Variants in PLS3 observed in about 807,000 individuals in gnomAD.
The protein encoded by PLS3 is plastin 3.
In PLS3, 11 loss-of-function variants were observed where a neutral mutation model predicts 46.5. The ratio of observed to expected loss-of-function variants is 0.24; its 90% confidence interval spans 0.15 to 0.39. The LOEUF (loss-of-function observed/expected upper bound fraction) is 0.39. PLS3 is among the 10% of genes least tolerant of loss of function. The probability of loss-of-function intolerance (pLI) is 1.00; values close to 1 mark genes in which losing one functional copy is unlikely to be tolerated. For synonymous variants in PLS3, 167 were observed against 162.2 expected (o/e 1.03, Z -0.22); for missense variants, 308 against 461.8 (o/e 0.67, Z 3.05).
chrX:115,602,139 C>T (rs1185698434), intron 1 of PLS3, among the ~76,000 whole-genome samples: 1 of 111,557 alleles, frequency 9.0e-6, no homozygotes, highest in Non-Finnish European at 1.9e-5. Flanking sequence ...TGACGCCTAC[C>T]ATTTAGTATA....
At chrX:115,640,291 A>C in intron 8 of PLS3, 117 bp from the exon 9 acceptor site, 1 of 646,922 alleles carries the variant, frequency 1.5e-6, no homozygotes, top group Non-Finnish European at 2.5e-6. Context: ...TAAAAGGCAG[A>C]GATTTGTGCC....
At chrX:115,611,911 G>A (rs1349651405) in intron 2 of PLS3, among the ~76,000 whole-genome samples, 2 of 111,386 alleles carry the variant, frequency 1.8e-5, no homozygotes, top group Non-Finnish European at 3.8e-5. Context: ...GGTCATTGTG[G>A]AGCTATTGTT....
At chrX:115,648,224 C>T (rs2074971559) in intron 15 of PLS3, among the ~76,000 whole-genome samples, 1 of 111,457 alleles carries the variant, frequency 9.0e-6, no homozygotes, top group Non-Finnish European at 1.9e-5. Context: ...AGAGCCTAGC[C>T]TTGTGCTTGG....
At chrX:115,581,608 C>G (rs1343267733) in intron 1 of PLS3, among the ~76,000 whole-genome samples, 4 of 111,977 alleles carry the variant, frequency 3.6e-5, no homozygotes, top group African/African-American at 1.3e-4. Flanking sequence ...ATCATGCTTT[C>G]TTTCTGTCTT....
At chrX:115,589,450 T>A (rs1556632828) in intron 1 of PLS3, among the ~76,000 whole-genome samples, 2 of 112,123 alleles carry the variant, frequency 1.8e-5, no homozygotes, top group African/African-American at 6.5e-5. Context: ...ACAGTAGTAG[T>A]TTCTTGAATG....
intron 1 of PLS3, among the ~76,000 whole-genome samples, chrX:115,567,071 A>G (rs782418137): frequency 8.9e-6 from 1 of 111,839 alleles, no homozygotes; most frequent in Non-Finnish European, 1.9e-5. Context: ...TTTTTAACTA[A>G]CTACTGAGTA....
chrX:115,564,343 G>A (rs1005401200), intron 1 of PLS3, among the ~76,000 whole-genome samples: 8 of 112,182 alleles, frequency 7.1e-5, no homozygotes, highest in African/African-American at 1.6e-4. Flanking sequence ...TGGGTAGAAG[G>A]ATTAATTATA....
chrX:115,617,073 C>T (rs781996993), intron 2 of PLS3, among the ~76,000 whole-genome samples: 1 of 111,519 alleles, frequency 9.0e-6, no homozygotes, highest in Non-Finnish European at 1.9e-5. Context: ...CAAGTAAGAC[C>T]CAGGGGTTCC....
At chrX:115,643,090 T>A (rs2074914507) in intron 9 of PLS3, among the ~76,000 whole-genome samples, 1 of 111,737 alleles carries the variant, frequency 8.9e-6, no homozygotes, top group South Asian at 3.7e-4. Flanking sequence ...TAGTTAAATG[T>A]ACTCAGTAGT....
chrX:115,582,766 G>C (rs1047991459), intron 1 of PLS3, among the ~76,000 whole-genome samples: 2 of 112,681 alleles, frequency 1.8e-5, no homozygotes, highest in Non-Finnish European at 3.7e-5. Flanking sequence ...TAGGCCAAGC[G>C]TGGTAGCTCA....
intron 1 of PLS3, among the ~76,000 whole-genome samples, chrX:115,606,949 T>A (rs1313856466): frequency 1.8e-5 from 2 of 110,900 alleles, no homozygotes; most frequent in African/African-American, 6.6e-5. Flanking sequence ...TTATTCTTAA[T>A]CTTTAAAATG....
chrX:115,648,656 C>T (rs782102565), intron 15 of PLS3, among the ~76,000 whole-genome samples: 63 of 111,471 alleles, frequency 5.7e-4, no homozygotes, highest in Admixed American at 2.2e-3. Context: ...CCTGCATTAC[C>T]GAACAGCTAA....
At chrX:115,624,630 A>T (rs1002192901) in intron 3 of PLS3, among the ~76,000 whole-genome samples, 1 of 112,274 alleles carries the variant, frequency 8.9e-6, no homozygotes, top group Non-Finnish European at 1.9e-5. Flanking sequence ...TTTGAAAATG[A>T]TCTTGGGGAA....
chrX:115,622,263 T>C lies in PLS3; in HGVS notation c.91T>C (p.Phe31Leu). The change falls in exon 3 of 16, where the codon TTC becomes CTC. Residue 31 changes from phenylalanine to leucine, a missense_variant. Physicochemically the swap from Phe to Leu is conservative, Grantham distance 22. This residue lies in a region of PLS3 where 37 missense variants were observed against 26.1 expected (regional missense o/e 1.42). Coordinates refer to ENST00000355899, the MANE Select transcript of PLS3 (RefSeq NM_005032.7). ...TTACAAAGATCTCAACAGCAACGGATTCATTTGTGACTATGAACTTCATGA... is the reference window on the plus strand; with the variant it reads ...TTACAAAGATCTCAACAGCAACGGACTCATTTGTGACTATGAACTTCATGA... The part of the protein sequence containing the change: ...FAKVDLNSNG[F>L]ICDYELHELF... 1 of 1,199,915 alleles carries C rather than the reference T, an allele frequency of 8.3e-7. No homozygotes were observed. Among genetic ancestry groups the C allele is most frequent in the Non-Finnish European group, 1.1e-6 (1 of 889,935 alleles).
chrX:115,629,447 G>C, intron 4 of PLS3, 120 bp downstream of exon 4: 1 of 609,526 alleles, frequency 1.6e-6, no homozygotes, highest in Non-Finnish European at 2.6e-6. Context: ...GAAGTCCTTT[G>C]TGACATGTAT....
chrX:115,573,088 C>A (rs191744063), intron 1 of PLS3, among the ~76,000 whole-genome samples: 1,252 of 80,940 alleles, frequency 0.015, 32 homozygotes, highest in African/African-American at 0.061. Context: ...AGTGAGACTC[C>A]GTCTCAAAAA....
chrX:115,628,965 G>A (rs182195179), intron 3 of PLS3, among the ~76,000 whole-genome samples: 8 of 111,718 alleles, frequency 7.2e-5, no homozygotes, highest in Admixed American at 2.9e-4. Flanking sequence ...TTCAATGCAT[G>A]TAGCGCTTAA....
chrX:115,578,839 A>G (rs1218498014), intron 1 of PLS3, among the ~76,000 whole-genome samples: 1 of 111,314 alleles, frequency 9.0e-6, no homozygotes, highest in African/African-American at 3.3e-5. Context: ...TTTTAATTAA[A>G]CTTTTTATTT....
At chrX:115,626,554 G>A (rs2074713090) in intron 3 of PLS3, among the ~76,000 whole-genome samples, 1 of 111,026 alleles carries the variant, frequency 9.0e-6, no homozygotes, top group African/African-American at 3.3e-5. Flanking sequence ...AAAGTGCTGG[G>A]ATTACAGGTG....
Sources: gnomAD v4.1 joint callset for allele counts (sites outside exome capture counted in the v4.1 genomes callset) on GRCh38, gnomAD v4.1.1 for gene constraint, gnomAD v4.1.1 regional missense constraint, MANE v1.5 for transcripts, NCBI Gene and HGNC (gene_info 2026-07-23, HGNC 2026-07-21) for gene names.